The following RAI14 variants were observed in gnomAD, a reference collection of about 807,000 sequenced individuals.
RAI14 encodes the protein retinoic acid induced 14.
Under a neutral mutation model 115.4 loss-of-function variants are expected in RAI14, and 45 were observed. The observed-to-expected ratio is 0.39, with a 90% CI of 0.31 to 0.50. RAI14 has a LOEUF of 0.50. Among genes scored for constraint, RAI14 ranks in the 20% least tolerant of loss-of-function variants. RAI14 has a pLI of 0.85. For missense variants in RAI14, 939 were observed against 1,131.2 expected, an observed-to-expected ratio of 0.83 and a Z score of 2.44; for synonymous variants, 371 against 415.4, an observed-to-expected ratio of 0.89 and a Z score of 1.30.
At chr5:34,757,260 C>T in intron 2 of RAI14, 1 of 630,378 alleles carries the variant, frequency 1.6e-6, no homozygotes. Context: ...GCCGTGATTT[C>T]ATTGCACTAT....
At chr5:34,739,735 CT>C (rs1256533699) in intron 2 of RAI14, among the ~76,000 whole-genome samples, 3 of 152,130 alleles carry the variant, frequency 2.0e-5, no homozygotes, top group Non-Finnish European at 2.9e-5. Context: ...TGTGTCAGCC[CT>C]TGTGCCAGAT....
intron 2 of RAI14, among the ~76,000 whole-genome samples, chr5:34,699,524 C>T (rs1165530014): frequency 6.6e-6 from 1 of 152,170 alleles, no homozygotes. Context: ...TACCAAATTT[C>T]CCCTTTAATA....
intron 16 of RAI14, among the ~76,000 whole-genome samples, chr5:34,829,459 A>G (rs1253296204): frequency 1.3e-5 from 2 of 152,172 alleles, no homozygotes; most frequent in Admixed American, 6.5e-5. Context: ...AAGAGCATAT[A>G]TTTTTAAAAC....
In RAI14 at chr5:34,809,484, T is replaced by C. The variant is rs553172975; in HGVS notation, c.450+830T>C. Among the ~76,000 whole-genome samples, 3 of 152,320 alleles carry C rather than the reference T, an allele frequency of 2.0e-5. No individual in the cohort carries two copies. In the South Asian group the frequency reaches 6.2e-4, roughly 32 times the overall value. On this transcript the variant is annotated intron_variant, in intron 7 of 17. Coordinates refer to ENST00000265109, the MANE Select transcript of RAI14 (RefSeq NM_015577.3). ...AGACAGATGATTCTGGTGTTAGTTC[T>C]GTTTAGAAATAACTCCAAGAACAGT...
chr5:34,777,609 G>C (rs775774370), intron 3 of RAI14, among the ~76,000 whole-genome samples: 1 of 152,030 alleles, frequency 6.6e-6, no homozygotes, highest in Non-Finnish European at 1.5e-5. Context: ...GTGAAACTCT[G>C]TCTCTACTAA....
At chr5:34,672,354 G>A (rs963722274) in intron 1 of RAI14, among the ~76,000 whole-genome samples, 1 of 152,148 alleles carries the variant, frequency 6.6e-6, no homozygotes, top group Non-Finnish European at 1.5e-5. Flanking sequence ...TGCATTAGAT[G>A]CAAGGTATGT....
At chr5:34,806,719 G>A (rs1208764940) in intron 5 of RAI14, among the ~76,000 whole-genome samples, 1 of 152,264 alleles carries the variant, frequency 6.6e-6, no homozygotes, top group African/African-American at 2.4e-5. Flanking sequence ...AGTCAGGGAG[G>A]AGCAGGTGGG....
At chr5:34,755,441 G>A (rs1747764605) in intron 2 of RAI14, among the ~76,000 whole-genome samples, 1 of 152,078 alleles carries the variant, frequency 6.6e-6, no homozygotes. Flanking sequence ...GTGAAGTCTC[G>A]AGGTTAAAAA....
In RAI14 at chr5:34,821,777, A is replaced by T; in HGVS notation, c.1040A>T (p.Asp347Val). The T allele has an allele frequency of 6.2e-7, 1 of 1,612,836 alleles. No homozygotes were observed. The change falls in exon 14 of 18, where the codon GAT (aspartate) becomes GTT (valine). Residue 347 changes from aspartate (D) to valine (V), a missense_variant. Physicochemically the swap from Asp to Val is radical, Grantham distance 152. Coordinates refer to ENST00000265109, the MANE Select transcript of RAI14 (RefSeq NM_015577.3). ...ATAAGTTCTGAAGCTGACCAACAAG[A>T]TCTTCTCTCTCTATTGCAAGCAAAA... ...LDISSEADQQ[D>V]LLSLLQAKVA...
rs147167584 is a variant in RAI14 at position 34,724,205 on chromosome 5, G to A, written c.37-33263G>A. Among the ~76,000 whole-genome samples the A allele has an allele frequency of 7.4e-3, 1,127 of 151,848 alleles. 18 individuals are homozygous for A. The highest frequency in any genetic ancestry group is 0.025 in the African/African-American group (1,055 of 41,380). ...CTAATTTTTGTATTTTAGTAGAGTC[G>A]GGCTTTCACCATGTTGGCCAAGCTG... On this transcript the variant is annotated intron_variant, in intron 2 of 17. Transcript: ENST00000265109.
chr5:34,829,380 G>T (rs1453238047), intron 16 of RAI14, among the ~76,000 whole-genome samples: 1 of 152,040 alleles, frequency 6.6e-6, no homozygotes, highest in South Asian at 2.1e-4. Flanking sequence ...TAGAGACGGG[G>T]TTTCACCATG....
intron 1 of RAI14, among the ~76,000 whole-genome samples, chr5:34,668,926 G>T (rs750722160): frequency 6.6e-6 from 1 of 151,920 alleles, no homozygotes; most frequent in Non-Finnish European, 1.5e-5. Flanking sequence ...GCATCATCTC[G>T]GCTCACTGCA....
chr5:34,764,556 T>A (rs1714099410), intron 3 of RAI14, among the ~76,000 whole-genome samples: 1 of 151,788 alleles, frequency 6.6e-6, no homozygotes, highest in Non-Finnish European at 1.5e-5. Context: ...TCTCTCTCTC[T>A]CTCTCTCTCT....
intron 3 of RAI14, among the ~76,000 whole-genome samples, chr5:34,783,690 G>A (rs955371395): frequency 1.3e-4 from 20 of 152,070 alleles, no homozygotes; most frequent in African/African-American, 4.6e-4. Context: ...TCCCCCCTTA[G>A]CTCTTGCAAC....
intron 13 of RAI14, among the ~76,000 whole-genome samples, chr5:34,821,332 C>T (rs1228670009): frequency 6.6e-6 from 1 of 152,086 alleles, no homozygotes; most frequent in Non-Finnish European, 1.5e-5. Context: ...AAAGTCTTAA[C>T]TACAGTAATG....
intron 4 of RAI14, among the ~76,000 whole-genome samples, chr5:34,796,273 C>G (rs1158080124): frequency 2.0e-5 from 3 of 152,126 alleles, no homozygotes; most frequent in African/African-American, 7.2e-5. Context: ...TGGCATGCAC[C>G]TGTAATCCCA....
intron 4 of RAI14, among the ~76,000 whole-genome samples, chr5:34,801,040 C>G: frequency 6.6e-6 from 1 of 152,200 alleles, no homozygotes; most frequent in East Asian, 1.9e-4. Flanking sequence ...TTTAATGCAT[C>G]ATGTAACTAA....
At chr5:34,820,220 A>G (rs1756682717) in intron 13 of RAI14, among the ~76,000 whole-genome samples, 1 of 152,246 alleles carries the variant, frequency 6.6e-6, no homozygotes, top group Non-Finnish European at 1.5e-5. Flanking sequence ...AATAAAAAGC[A>G]TAGCATTAAA....
intron 2 of RAI14, among the ~76,000 whole-genome samples, chr5:34,693,173 G>C (rs563835726): frequency 1.3e-5 from 2 of 152,196 alleles, no homozygotes; most frequent in South Asian, 4.2e-4. Context: ...TCCAAATAAG[G>C]TCACCTTCTG....
Sources: gnomAD v4.1 joint callset for allele counts (sites outside exome capture counted in the v4.1 genomes callset) on GRCh38, gnomAD v4.1.1 for gene constraint, MANE v1.5 for transcripts, NCBI Gene and HGNC (gene_info 2026-07-23, HGNC 2026-07-21) for gene names.